Variants in DCDC1 observed in about 807,000 individuals in gnomAD.
The protein encoded by DCDC1 is doublecortin domain-containing protein 1.
Under a neutral mutation model 178.3 loss-of-function variants are expected in DCDC1, and 200 were observed. The ratio of observed to expected loss-of-function variants is 1.12; its 90% CI spans 1.00 to 1.26. The LOEUF (loss-of-function observed/expected upper bound fraction) is 1.26, where lower values mean the gene tolerates loss of function less well. Ranked by LOEUF, DCDC1 falls within the 50% of genes most tolerant of loss-of-function variation. The pLI is 0.00. For synonymous variants in DCDC1, 690 were observed against 604.8 expected, an observed-to-expected ratio of 1.14 and a Z score of -2.07; for missense variants, 1,983 against 1,749.2, an observed-to-expected ratio of 1.13 and a Z score of -2.38.
intron 21 of DCDC1, among the ~76,000 whole-genome samples, chr11:30,937,552 T>C (rs1377977591): frequency 6.6e-6 from 1 of 152,202 alleles, no homozygotes; most frequent in Admixed American, 6.5e-5. Flanking sequence ...TCGAAATCTA[T>C]CATTCCCTCA....
chr11:30,956,015 G>T (rs940953165), intron 20 of DCDC1, among the ~76,000 whole-genome samples: 1 of 152,088 alleles, frequency 6.6e-6, no homozygotes, highest in Admixed American at 6.5e-5. Context: ...AGAATTTGAG[G>T]ACTTTTTTGG....
intron 17 of DCDC1, among the ~76,000 whole-genome samples, chr11:31,086,409 A>G (rs1957477597): frequency 6.6e-6 from 1 of 152,152 alleles, no homozygotes. Flanking sequence ...TCTCCAAATC[A>G]TTTATCCCCA....
intron 33 of DCDC1, among the ~76,000 whole-genome samples, 172 bp from the exon 34 acceptor site, chr11:30,899,814 C>T (rs1944527765): frequency 6.6e-6 from 1 of 152,022 alleles, no homozygotes; most frequent in Non-Finnish European, 1.5e-5. Context: ...TAAGGCATTT[C>T]TTTATGGAGT....
At chr11:30,904,667 T>C (rs1175580623) in intron 31 of DCDC1, 1 of 385,142 alleles carries the variant, frequency 2.6e-6, no homozygotes, top group Non-Finnish European at 4.8e-6. Flanking sequence ...GCATTCAGTC[T>C]ATCACAAGAA....
In DCDC1 at chr11:31,328,129, T is replaced by C; in HGVS notation, c.152A>G (p.Asn51Ser). ...ATAATGTTCTTACCTTGGTAAATCATTCAAAATATATTTGTAAATTGGGTT... is the reference window on the plus strand; with the variant it reads ...ATAATGTTCTTACCTTGGTAAATCACTCAAAATATATTTGTAAATTGGGTT... ...TVNPIYKYIL[N>S]DLPREFMSSQ... is the part of the protein sequence containing the mutation. Residue 51 changes from asparagine (N) to serine (S), a missense_variant, in exon 3 of 39, where the codon AAT becomes AGT. By Grantham distance (46) the Asn-to-Ser change is conservative. Coordinates refer to ENST00000684477, the MANE Select transcript of DCDC1 (RefSeq NM_001387274.1). 6.2e-7 allele frequency: 1 copy of C among 1,602,356 alleles called. No homozygotes were observed. The highest frequency in any genetic ancestry group is 8.5e-7 in the Non-Finnish European group (1 of 1,172,120).
chr11:30,915,697 T>A lies in DCDC1; in HGVS notation c.3467A>T (p.His1156Leu). 6.2e-7 allele frequency: 1 copy of A among 1,613,446 alleles called. No homozygotes were observed. The highest frequency in any genetic ancestry group is 8.5e-7 in the Non-Finnish European group (1 of 1,179,628). The change falls in exon 27 of 39, where the codon CAT becomes CTT. Residue 1156 changes from histidine to leucine, a missense_variant. By Grantham distance (99) the His-to-Leu change is moderately conservative. Transcript: ENST00000684477. ...ATGACAATGCTTGTGCAATTTACTA[T>A]GCTTTGGTGAACAGCTGAGATAAAG... ...PQKKHSCSPK[H>L]SKLHKHCHQQ... is the part of the protein sequence containing the mutation.
At chr11:30,917,650 G>A (rs967124783) in intron 25 of DCDC1, among the ~76,000 whole-genome samples, 26 of 152,288 alleles carry the variant, frequency 1.7e-4, no homozygotes, top group Middle Eastern at 3.4e-3. Context: ...ATCAGTAGCC[G>A]CCATATAGAT....
At chr11:31,079,736 A>G (rs1235804730) in intron 17 of DCDC1, among the ~76,000 whole-genome samples, 2 of 152,236 alleles carry the variant, frequency 1.3e-5, no homozygotes, top group Non-Finnish European at 2.9e-5. Context: ...AGTGAAGTGT[A>G]TGAAGTAGAG....
chr11:31,040,840 T>C (rs1251762436), intron 20 of DCDC1, among the ~76,000 whole-genome samples: 1 of 152,192 alleles, frequency 6.6e-6, no homozygotes, highest in Non-Finnish European at 1.5e-5. Flanking sequence ...AGGAAACAGC[T>C]GTGAGCTAGA....
intron 9 of DCDC1, among the ~76,000 whole-genome samples, chr11:31,146,588 T>G (rs368297087): frequency 1.3e-5 from 2 of 152,198 alleles, no homozygotes; most frequent in Admixed American, 6.5e-5. Flanking sequence ...GATGGAAGGA[T>G]GGCCCACATT....
rs972825032 is a variant in DCDC1, at chr11:30,972,486, A to C, written c.2592-19918T>G. Among the ~76,000 whole-genome samples the C allele has an allele frequency of 1.9e-4, 29 of 152,154 alleles. 1 individual carries two copies. ...TGCTTAAAATCCTACACTTGGAAAC[A>C]AGAGGATGATATCTACCATCATGAA... On this transcript the variant is annotated intron_variant, in intron 20 of 38. Coordinates refer to ENST00000684477, the MANE Select transcript of DCDC1 (RefSeq NM_001387274.1).
At chr11:31,127,212 T>C (rs574687963) in intron 11 of DCDC1, among the ~76,000 whole-genome samples, 6 of 152,326 alleles carry the variant, frequency 3.9e-5, no homozygotes, top group African/African-American at 1.4e-4. Context: ...TTCACATGAG[T>C]AAATTCCTTC....
intron 34 of DCDC1, among the ~76,000 whole-genome samples, chr11:30,895,182 A>C (rs1181955048): frequency 6.6e-6 from 1 of 152,164 alleles, no homozygotes; most frequent in Non-Finnish European, 1.5e-5. Flanking sequence ...CTTTCCAAAA[A>C]CCTATATTGA....
chr11:31,328,467 T>A (rs982071078), intron 2 of DCDC1, among the ~76,000 whole-genome samples, 181 bp from the exon 3 acceptor site: 1 of 151,922 alleles, frequency 6.6e-6, no homozygotes, highest in Non-Finnish European at 1.5e-5. Context: ...AAAAAAAATA[T>A]GAATCTAAGT....
intron 16 of DCDC1, among the ~76,000 whole-genome samples, chr11:31,093,495 GA>G: frequency 6.6e-6 from 1 of 152,128 alleles, no homozygotes; most frequent in East Asian, 1.9e-4. Flanking sequence ...AAGATGAAAG[GA>G]AAGGACAATT....
intron 10 of DCDC1, 26 bp from the exon 11 acceptor site, chr11:31,127,665 G>T (rs1478906905): frequency 2.9e-6 from 2 of 698,264 alleles, no homozygotes; most frequent in Non-Finnish European, 5.2e-6. Flanking sequence ...TACAAGAGTT[G>T]TTAGCGAGAA....
intron 12 of DCDC1, among the ~76,000 whole-genome samples, chr11:31,109,331 C>A (rs1430532812): frequency 1.3e-5 from 2 of 151,626 alleles, no homozygotes; most frequent in African/African-American, 4.9e-5. Flanking sequence ...GTTGCTCAGG[C>A]TGGTAAAATA....
intron 9 of DCDC1, among the ~76,000 whole-genome samples, chr11:31,216,631 T>C (rs1591443049): frequency 6.6e-6 from 1 of 152,288 alleles, no homozygotes; most frequent in East Asian, 1.9e-4. Context: ...GATGTCATAA[T>C]CTCAAGGCAG....
At chr11:31,293,733 C>T (rs922733559) in intron 6 of DCDC1, among the ~76,000 whole-genome samples, 2 of 152,096 alleles carry the variant, frequency 1.3e-5, no homozygotes, top group Non-Finnish European at 1.5e-5. Context: ...ATATTATTAT[C>T]CTTATTTACA....
Sources: allele counts gnomAD v4.1 joint callset (sites outside exome capture counted in the v4.1 genomes callset), GRCh38; gene constraint gnomAD v4.1.1; transcripts MANE v1.5; gene names NCBI Gene and HGNC (gene_info 2026-07-23, HGNC 2026-07-21).